The following KIFBP variants were observed in gnomAD, a reference collection of about 807,000 sequenced individuals.
The protein encoded by KIFBP is KIF-binding protein.
A neutral mutation model predicts 58.9 loss-of-function variants in KIFBP; 46 were observed. The ratio of observed to expected loss-of-function variants is 0.78; its 90% CI spans 0.62 to 1.00. The LOEUF (loss-of-function observed/expected upper bound fraction) is 1.00, where lower values mean the gene tolerates loss of function less well. Ranked by LOEUF, KIFBP falls within the 50% of genes least tolerant of loss-of-function variation. KIFBP has a pLI of 0.00. For missense variants in KIFBP, 651 were observed against 752.9 expected (o/e 0.86, Z 1.58); for synonymous variants, 241 against 283.4 (o/e 0.85, Z 1.50).
At position 68,988,983 on chromosome 10, in the gene KIFBP, G is replaced by T; in HGVS notation, c.151G>T (p.Gly51Cys). ...ALLEEVKALL[G>C]PAPEDEDERP... ...ACTGGAAGAGGTCAAGGCGCTGCTC[G>T]GCCCTGCGCCTGAGGACGAGGATGA... The change falls in exon 1 of 7, where the codon GGC becomes TGC. Residue 51 changes from glycine to cysteine, a missense_variant. Transcript: ENST00000361983. 1 of 1,614,236 alleles carries T rather than the reference G, an allele frequency of 6.2e-7. No individual in the cohort carries two copies. Among genetic ancestry groups the T allele is most frequent in the Non-Finnish European group, 8.5e-7 (1 of 1,180,044 alleles).
chr10:68,989,271 C>A lies in KIFBP; in HGVS notation c.426+13C>A. The A allele has an allele frequency of 6.2e-7, 1 of 1,611,070 alleles. No homozygotes were observed. Among genetic ancestry groups the A allele is most frequent in the Non-Finnish European group, 8.5e-7 (1 of 1,179,514 alleles). ...CATCCAGGCGCAGGTGAGAGCGAGC[C>A]CGGCCAGGCCGGCCCCTGTTGGCAA... is the stretch of plus-strand genomic sequence containing the variant. On this transcript the variant is annotated intron_variant, in intron 1 of 6. Coordinates refer to ENST00000361983, the MANE Select transcript of KIFBP (RefSeq NM_015634.4).
In KIFBP at chr10:68,989,228, C is replaced by G. The variant is rs540172119; in HGVS notation, c.396C>G (p.His132Gln). 1.1e-4 allele frequency: 178 copies of G among 1,613,544 alleles called. 1 individual carries two copies. In the South Asian group the frequency reaches 1.9e-3, roughly 17 times the overall value. ...TGCTGCGCAGGTACCGGCTCTCGCA[C>G]GACTGCATCTCTCTCTGCATCCAGG... is the stretch of plus-strand genomic sequence containing the variant. ...LRLLRRYRLS[H>Q]DCISLCIQAQ... The change falls in exon 1 of 7, where the codon CAC (histidine) becomes CAG (glutamine). Residue 132 changes from histidine (H) to glutamine (Q), a missense_variant. By Grantham distance (24) the His-to-Gln change is conservative. Transcript: ENST00000361983.
chr10:69,014,799 T>C (rs1320210746), intron 6 of KIFBP, among the ~76,000 whole-genome samples: 1 of 151,536 alleles, frequency 6.6e-6, no homozygotes, highest in African/African-American at 2.4e-5. Flanking sequence ...TTGATGTCTT[T>C]AAGAGACCTA....
intron 1 of KIFBP, among the ~76,000 whole-genome samples, chr10:68,990,890 G>C (rs771181377): frequency 5.9e-5 from 9 of 151,926 alleles, no homozygotes; most frequent in Non-Finnish European, 1.2e-4. Context: ...CAGAAGAACA[G>C]TACACAATTA....
In KIFBP at chr10:69,010,956, G is replaced by A. The variant is rs779495747; in HGVS notation, c.931G>A (p.Ala311Thr). 6.2e-7 allele frequency: 1 copy of A among 1,614,144 alleles called. No individual in the cohort carries two copies. The highest frequency in any genetic ancestry group is 8.5e-7 in the Non-Finnish European group (1 of 1,180,002). Residue 311 changes from alanine to threonine, a missense_variant, in exon 6 of 7, where the codon GCA becomes ACA. Ala to Thr is a moderately conservative substitution (Grantham distance 58). Coordinates refer to ENST00000361983, the MANE Select transcript of KIFBP (RefSeq NM_015634.4). ...ELYHQRKGEI[A>T]RCWIKYCLTL... ...TTATCATCAAAGAAAGGGGGAAATA[G>A]CAAGGTGCTGGATCAAATACTGTTT...
intron 1 of KIFBP, among the ~76,000 whole-genome samples, chr10:68,990,158 G>C (rs930563460): frequency 4.6e-5 from 7 of 151,910 alleles, no homozygotes; most frequent in African/African-American, 1.7e-4. Context: ...GACCATTTTG[G>C]GCCAAACTGA....
intron 1 of KIFBP, among the ~76,000 whole-genome samples, chr10:68,992,381 A>G (rs1843359382): frequency 6.6e-6 from 1 of 152,200 alleles, no homozygotes; most frequent in Admixed American, 6.5e-5. Context: ...TAGCTTGAGA[A>G]TCAAGGGGAT....
chr10:69,014,430 T>C (rs1838959364), intron 6 of KIFBP, among the ~76,000 whole-genome samples: 1 of 152,068 alleles, frequency 6.6e-6, no homozygotes, highest in Non-Finnish European at 1.5e-5. Flanking sequence ...GAGGATGATA[T>C]CAGAAGGGAT....
intron 6 of KIFBP, among the ~76,000 whole-genome samples, chr10:69,014,643 T>C (rs1309908127): frequency 1.4e-5 from 2 of 147,892 alleles, no homozygotes; most frequent in African/African-American, 5.1e-5. Flanking sequence ...TGGGATCTAT[T>C]ATTTATTTTT....
At chr10:69,007,317 A>G (rs1843545764) in intron 4 of KIFBP, among the ~76,000 whole-genome samples, 1 of 152,128 alleles carries the variant, frequency 6.6e-6, no homozygotes, top group Non-Finnish European at 1.5e-5. Context: ...AAAAAGAGGG[A>G]TTTGAACCAT....
Position 68,988,819 on chromosome 10 carries a change from C to G in KIFBP, c.-14C>G. 6.2e-7 allele frequency: 1 copy of G among 1,614,254 alleles called. No homozygotes were observed. Among genetic ancestry groups the G allele is most frequent in the Middle Eastern group, 1.6e-4 (1 of 6,062 alleles). On this transcript the variant is annotated 5_prime_UTR_variant, in exon 1 of 7. Coordinates refer to ENST00000361983, the MANE Select transcript of KIFBP (RefSeq NM_015634.4). ...ACTGCAAACATTGAGGAAAGCCAGG[C>G]AGTAGAGGCCGCTATGGCGAACGTT...
At chr10:69,000,074 T>C (rs928735052) in intron 1 of KIFBP, among the ~76,000 whole-genome samples, 38 of 138,018 alleles carry the variant, frequency 2.8e-4, no homozygotes, top group African/African-American at 9.9e-4. Context: ...AAGCAGGCAA[T>C]AGATAGCATC....
At chr10:69,015,428 G>A (rs1043703457) in intron 6 of KIFBP, 113 bp from the exon 7 acceptor site, 2 of 1,007,522 alleles carry the variant, frequency 2.0e-6, no homozygotes, top group African/African-American at 3.3e-5. Flanking sequence ...TTCTAAACCA[G>A]GCTGGAAAGT....
At chr10:69,010,770 C>T in intron 5 of KIFBP, 130 bp from the exon 6 acceptor site, 4 of 691,394 alleles carry the variant, frequency 5.8e-6, no homozygotes, top group Non-Finnish European at 1.0e-5. Flanking sequence ...TCCCTTTTCC[C>T]CAAGCCCCCT....
intron 1 of KIFBP, among the ~76,000 whole-genome samples, chr10:68,994,778 A>G (rs968908868): frequency 6.6e-6 from 1 of 152,062 alleles, no homozygotes; most frequent in Non-Finnish European, 1.5e-5. Context: ...CTGTGAAACA[A>G]TCACTGCAAT....
intron 1 of KIFBP, among the ~76,000 whole-genome samples, chr10:68,990,205 T>C (rs1359403013): frequency 6.6e-6 from 1 of 152,166 alleles, no homozygotes; most frequent in East Asian, 1.9e-4. Flanking sequence ...ATAATACTTT[T>C]TGTTTCCCAT....
intron 4 of KIFBP, among the ~76,000 whole-genome samples, chr10:69,008,583 G>C (rs1205738200): frequency 6.6e-6 from 1 of 151,474 alleles, no homozygotes; most frequent in Non-Finnish European, 1.5e-5. Flanking sequence ...TCAGTTGGCA[G>C]TTGTCTTTCA....
Position 69,010,903 on chromosome 10 carries a change from C to T in KIFBP, c.878C>T (p.Pro293Leu). The T allele has an allele frequency of 1.2e-6, 2 of 1,609,064 alleles. No homozygotes were observed. Among genetic ancestry groups the T allele is most frequent in the Non-Finnish European group, 1.7e-6 (2 of 1,175,438 alleles). ...ACAAATCACATGTATATTTTAGCTC[C>T]TGAAGCTGAAGGAGAAGTGCCAGAG... ...TGKISATEDT[P>L]EAEGEVPELY... Residue 293 changes from proline (P) to leucine (L), a missense_variant, in exon 6 of 7, where the codon CCT (proline) becomes CTT (leucine). Coordinates refer to ENST00000361983, the MANE Select transcript of KIFBP (RefSeq NM_015634.4).
intron 4 of KIFBP, among the ~76,000 whole-genome samples, chr10:69,007,449 C>A (rs1843547437): frequency 1.3e-5 from 2 of 152,146 alleles, no homozygotes; most frequent in African/African-American, 4.8e-5. Flanking sequence ...TACCAGCCAC[C>A]TAGAGGGCAT....
Sources: allele counts gnomAD v4.1 joint callset (sites outside exome capture counted in the v4.1 genomes callset), GRCh38; gene constraint gnomAD v4.1.1; transcripts MANE v1.5; gene names NCBI Gene and HGNC (gene_info 2026-07-23, HGNC 2026-07-21).